Variants in SLC12A1 observed in about 807,000 individuals in gnomAD.
SLC12A1 encodes solute carrier family 12 member 1, also known as Na-K-2Cl cotransporter.
Under a neutral mutation model 130.4 loss-of-function variants are expected in SLC12A1, and 89 were observed. The observed-to-expected ratio is 0.68, with a 90% CI of 0.58 to 0.81. SLC12A1 has a LOEUF of 0.81. Among genes scored for constraint, SLC12A1 ranks in the 40% least tolerant of loss-of-function variants. The pLI, the probability that SLC12A1 is intolerant of heterozygous loss-of-function variation, is 0.00. For synonymous variants in SLC12A1, 499 were observed against 460.0 expected (o/e 1.08, Z -1.09); for missense variants, 1,310 against 1,336.4 (o/e 0.98, Z 0.31).
chr15:48,255,452 A>AG (rs1408159146), intron 15 of SLC12A1, among the ~76,000 whole-genome samples: 1 of 151,022 alleles, frequency 6.6e-6, no homozygotes, highest in African/African-American at 2.5e-5. Context: ...AAAAAAAAAA[A>AG]AGAAGAATTT....
At chr15:48,263,721 C>T (rs547016792) in intron 17 of SLC12A1, among the ~76,000 whole-genome samples, 111 of 152,038 alleles carry the variant, frequency 7.3e-4, no homozygotes, top group African/African-American at 2.6e-3. Context: ...GAGACAGAGT[C>T]TCCCTCTGTC....
intron 26 of SLC12A1, among the ~76,000 whole-genome samples, chr15:48,302,347 G>A (rs954110693): frequency 3.1e-4 from 47 of 151,936 alleles, no homozygotes; most frequent in Non-Finnish European, 5.0e-4. Flanking sequence ...CCGGCCGGGC[G>A]CGGTGGCTCA....
At chr15:48,261,279 G>A (rs35045348) in intron 17 of SLC12A1, among the ~76,000 whole-genome samples, 86 of 152,240 alleles carry the variant, frequency 5.6e-4, no homozygotes, top group African/African-American at 2.0e-3. Flanking sequence ...AGAAAGGGTC[G>A]CCTCAGAAAC....
rs1013203869 is a variant in SLC12A1 at position 48,259,196 on chromosome 15, C to G, written c.2043-4C>G. ...TCATTTTCACATCTTTTTTTTACTT[C>G]CAGGCCCCAGTGCATTGTCTTAACA... On this transcript the variant is annotated splice_polypyrimidine_tract_variant and splice_region_variant and intron_variant, in intron 16 of 26. Coordinates refer to ENST00000380993, the MANE Select transcript of SLC12A1 (RefSeq NM_000338.3). 6.3e-7 allele frequency: 1 copy of G among 1,588,850 alleles called. No individual in the cohort carries two copies. The highest frequency in any genetic ancestry group is 8.6e-7 in the Non-Finnish European group (1 of 1,157,574).
chr15:48,255,766 G>T (rs368679149), intron 15 of SLC12A1, 45 bp from the exon 16 acceptor site: 3 of 1,196,452 alleles, frequency 2.5e-6, no homozygotes, highest in Non-Finnish European at 3.7e-6. Context: ...GGTGCACAGA[G>T]GAAAGGTCAG....
chr15:48,281,026 A>G (rs2042004386), intron 20 of SLC12A1, among the ~76,000 whole-genome samples: 1 of 152,318 alleles, frequency 6.6e-6, no homozygotes, highest in East Asian at 1.9e-4. Context: ...GGGTCCAGGT[A>G]ATAAACGGGA....
chr15:48,251,549 C>T, intron 14 of SLC12A1, 66 bp from the exon 15 acceptor site: 1 of 1,273,394 alleles, frequency 7.9e-7, no homozygotes. Flanking sequence ...TACCTGCATT[C>T]TTCTAATATT....
At chr15:48,290,683 T>C (rs1597458294) in intron 23 of SLC12A1, among the ~76,000 whole-genome samples, 1 of 152,200 alleles carries the variant, frequency 6.6e-6, no homozygotes, top group East Asian at 1.9e-4. Flanking sequence ...AATGTTTTTA[T>C]GTGGTGTATG....
intron 18 of SLC12A1, among the ~76,000 whole-genome samples, chr15:48,267,975 G>T (rs2041851656): frequency 6.6e-6 from 1 of 152,174 alleles, no homozygotes; most frequent in African/African-American, 2.4e-5. Flanking sequence ...TTATTGAAAT[G>T]CAAATTTGTT....
intron 14 of SLC12A1, 124 bp downstream of exon 14, chr15:48,249,800 C>T (rs1053478358): frequency 2.8e-5 from 19 of 680,754 alleles, no homozygotes; most frequent in Admixed American, 5.2e-5. Flanking sequence ...TAGTGGGAAG[C>T]GTAATCCACT....
chr15:48,269,426 T>C (rs764335934), intron 18 of SLC12A1, among the ~76,000 whole-genome samples: 1 of 152,194 alleles, frequency 6.6e-6, no homozygotes, highest in Non-Finnish European at 1.5e-5. Flanking sequence ...ACTGCTAATT[T>C]AGAAAAGCTA....
In SLC12A1 at chr15:48,246,932, C is replaced by T. The variant is rs138588696; in HGVS notation, c.1476C>T (p.Phe492=). The T allele has an allele frequency of 2.4e-4, 386 of 1,613,696 alleles. 2 individuals are homozygous for T. In the African/African-American group the frequency reaches 4.6e-3, roughly 19 times the overall value. The change falls in exon 12 of 27, where the codon TTC becomes TTT. Residue 492 remains phenylalanine (F), a synonymous_variant. Transcript: ENST00000380993. ...AGGTCATGAGCATGGTATCAGGGTT[C>T]GGCCCCCTCATCACTGCGGGAATCT... ...NFQVMSMVSG[F]GPLITAGIFS...
In SLC12A1 at chr15:48,301,351, G is replaced by A. The variant is rs150084603; in HGVS notation, c.3133G>A (p.Glu1045Lys). The A allele has an allele frequency of 6.3e-7, 1 of 1,597,602 alleles. No homozygotes were observed. The highest frequency in any genetic ancestry group is 1.3e-5 in the African/African-American group (1 of 74,734). ...RQVRLNELLQEHSRAANLIVL... is the reference protein window; with the variant it reads ...RQVRLNELLQKHSRAANLIVL... ...AGTTCGACTGAATGAACTCTTACAG[G>A]AGCACTCCAGAGCTGCTAATCTCAT... is the stretch of plus-strand genomic sequence containing the variant. Residue 1045 changes from glutamate (E) to lysine (K), a missense_variant, in exon 26 of 27, where the codon GAG becomes AAG. Physicochemically the swap from Glu to Lys is moderately conservative, Grantham distance 56 (BLOSUM62 1). Coordinates refer to ENST00000380993, the MANE Select transcript of SLC12A1 (RefSeq NM_000338.3).
intron 4 of SLC12A1, chr15:48,225,340 A>AACC (rs1207734145): frequency 6.6e-6 from 1 of 152,204 alleles, no homozygotes; most frequent in Non-Finnish European, 1.5e-5. Flanking sequence ...AAAAGATAGT[A>AACC]ACCTGGAAGG....
chr15:48,249,818 G>T, intron 14 of SLC12A1, 142 bp downstream of exon 14: 1 of 637,596 alleles, frequency 1.6e-6, no homozygotes. Context: ...ACTTTATTTT[G>T]GTGAGTTTGG....
At chr15:48,272,620 GT>G (rs1165240520) in intron 19 of SLC12A1, among the ~76,000 whole-genome samples, 1 of 152,020 alleles carries the variant, frequency 6.6e-6, no homozygotes, top group Non-Finnish European at 1.5e-5. Flanking sequence ...TAGAGATGGG[GT>G]TTCACCATGT....
chr15:48,221,309 A>G, intron 4 of SLC12A1: 1 of 701,828 alleles, frequency 1.4e-6, no homozygotes. Context: ...ATTGGGGGAC[A>G]TATTGACATT....
At chr15:48,266,506 C>T (rs752623364) in intron 17 of SLC12A1, among the ~76,000 whole-genome samples, 4 of 151,356 alleles carry the variant, frequency 2.6e-5, no homozygotes, top group Non-Finnish European at 4.4e-5. Flanking sequence ...CCTTTAAGAC[C>T]GTGACTCCAA....
At chr15:48,250,622 A>G (rs987256614) in intron 14 of SLC12A1, among the ~76,000 whole-genome samples, 1 of 152,026 alleles carries the variant, frequency 6.6e-6, no homozygotes, top group Admixed American at 6.6e-5. Flanking sequence ...AGGAAAATAT[A>G]GAACAGCATA....
Sources: allele counts gnomAD v4.1 joint callset (sites outside exome capture counted in the v4.1 genomes callset), GRCh38; gene constraint gnomAD v4.1.1; transcripts MANE v1.5; gene names NCBI Gene and HGNC (gene_info 2026-07-23, HGNC 2026-07-21).